ARHGAP12: variants seen among roughly 807,000 people sequenced by gnomAD.
ARHGAP12 encodes rho GTPase-activating protein 12.
In ARHGAP12, 64 loss-of-function variants were observed where a neutral mutation model predicts 108.6. The ratio of observed to expected loss-of-function variants is 0.59; its 90% CI spans 0.48 to 0.73. The LOEUF is 0.73. Among genes scored for constraint, ARHGAP12 ranks in the 30% least tolerant of loss-of-function variants. ARHGAP12 has a pLI of 0.00. For missense variants in ARHGAP12, 940 were observed against 1,005.9 expected, an observed-to-expected ratio of 0.93 and a Z score of 0.89; for synonymous variants, 312 against 337.2, an observed-to-expected ratio of 0.93 and a Z score of 0.82.
At chr10:31,829,380 T>C (rs1395571952) in intron 10 of ARHGAP12, among the ~76,000 whole-genome samples, 1 of 152,152 alleles carries the variant, frequency 6.6e-6, no homozygotes, top group East Asian at 1.9e-4. Flanking sequence ...CGTTATGAGA[T>C]GAAAAGGTTT....
At chr10:31,839,499 T>C in intron 8 of ARHGAP12, 138 bp downstream of exon 8, 4 of 1,120,660 alleles carry the variant, frequency 3.6e-6, no homozygotes, top group Non-Finnish European at 4.9e-6. Flanking sequence ...GTTAAACTTA[T>C]TTTGATTGTG....
At chr10:31,904,135 A>T (rs1481516614) in intron 3 of ARHGAP12, among the ~76,000 whole-genome samples, 3 of 152,260 alleles carry the variant, frequency 2.0e-5, no homozygotes, top group Admixed American at 6.5e-5. Context: ...ATGAAAAGTT[A>T]TATTCACATA....
chr10:31,883,741 T>TTGC (rs1255471700), intron 3 of ARHGAP12, among the ~76,000 whole-genome samples: 3 of 151,482 alleles, frequency 2.0e-5, no homozygotes, highest in African/African-American at 7.3e-5. Context: ...AGACAACGTA[T>TTGC]TGCTCTGTCA....
intron 1 of ARHGAP12, among the ~76,000 whole-genome samples, chr10:31,915,473 G>C (rs1028388708): frequency 1.3e-4 from 20 of 151,966 alleles, no homozygotes; most frequent in Non-Finnish European, 2.6e-4. Flanking sequence ...TTGCTCAAAG[G>C]ACATACAATC....
At chr10:31,844,348 T>C (rs919502959) in intron 6 of ARHGAP12, among the ~76,000 whole-genome samples, 1 of 152,220 alleles carries the variant, frequency 6.6e-6, no homozygotes, top group Non-Finnish European at 1.5e-5. Flanking sequence ...TTACTTGTTA[T>C]ATTTATGTCT....
At chr10:31,855,336 T>C (rs1305123590) in intron 4 of ARHGAP12, among the ~76,000 whole-genome samples, 1 of 152,186 alleles carries the variant, frequency 6.6e-6, no homozygotes, top group Non-Finnish European at 1.5e-5. Context: ...AATCATTTAT[T>C]AGGTTAGCAC....
chr10:31,808,611 G>A lies in ARHGAP12; in HGVS notation c.2366+38C>T, dbSNP rs752212763. On this transcript the variant is annotated intron_variant, in intron 19 of 19. Transcript: ENST00000344936. ...CCCACAGGCCTTCCCGCTTCCCCTT[G>A]TGCTATACCACATCCCATGACTGGG... 114 of 1,588,258 alleles carry A rather than the reference G, an allele frequency of 7.2e-5. 1 individual carries two copies. The South Asian group carries it at 1.2e-3, about 17-fold the overall frequency.
chr10:31,871,060 G>A (rs980157595), intron 3 of ARHGAP12, among the ~76,000 whole-genome samples: 2 of 152,132 alleles, frequency 1.3e-5, no homozygotes, highest in Non-Finnish European at 2.9e-5. Flanking sequence ...TAGAAGCACA[G>A]AAAAACTCAG....
chr10:31,908,730 C>T lies in ARHGAP12; in HGVS notation c.126G>A (p.Leu42=). Residue 42 remains leucine, a synonymous_variant, in exon 3 of 20, where the codon TTG becomes TTA. Transcript: ENST00000344936. ...IVIKQGERYI[L]VKKTNDDWWQ... is the part of the protein sequence containing the mutation. ...ACCAGTCATCATTGGTCTTTTTCAC[C>T]AAGATGTACCTCTCCCCTTGTTTTA... The T allele has an allele frequency of 6.2e-7, 1 of 1,614,088 alleles. No homozygotes were observed. Among genetic ancestry groups the T allele is most frequent in the Non-Finnish European group, 8.5e-7 (1 of 1,180,016 alleles).
intron 3 of ARHGAP12, among the ~76,000 whole-genome samples, chr10:31,881,543 C>T (rs1424681485): frequency 6.6e-6 from 1 of 152,174 alleles, no homozygotes; most frequent in African/African-American, 2.4e-5. Flanking sequence ...TTAGCAACAA[C>T]AGAAACAATA....
chr10:31,879,470 T>C (rs537705711), intron 3 of ARHGAP12, among the ~76,000 whole-genome samples: 1 of 152,354 alleles, frequency 6.6e-6, no homozygotes, highest in East Asian at 1.9e-4. Context: ...TGAGTGGTCT[T>C]CTTTAAAAAT....
chr10:31,831,359 G>A (rs777641195), intron 10 of ARHGAP12, among the ~76,000 whole-genome samples: 18 of 152,202 alleles, frequency 1.2e-4, no homozygotes, highest in Non-Finnish European at 2.5e-4. Flanking sequence ...GAAAGCACTA[G>A]AATTCAGGAG....
At chr10:31,906,442 G>C (rs1367812388) in intron 3 of ARHGAP12, among the ~76,000 whole-genome samples, 1 of 152,104 alleles carries the variant, frequency 6.6e-6, no homozygotes, top group East Asian at 1.9e-4. Context: ...CACACAGATG[G>C]CAAGTGATAC....
chr10:31,897,952 C>G (rs1838771355), intron 3 of ARHGAP12, among the ~76,000 whole-genome samples: 1 of 152,068 alleles, frequency 6.6e-6, no homozygotes, highest in African/African-American at 2.4e-5. Context: ...AAGGTAAAAT[C>G]CCATCTCTAC....
chr10:31,873,206 G>A (rs986330523), intron 3 of ARHGAP12, among the ~76,000 whole-genome samples: 4 of 152,014 alleles, frequency 2.6e-5, no homozygotes, highest in African/African-American at 9.7e-5. Flanking sequence ...TAATCAGCAC[G>A]CAAATTACTG....
chr10:31,857,476 C>G (rs1836931068), intron 4 of ARHGAP12, among the ~76,000 whole-genome samples: 1 of 152,024 alleles, frequency 6.6e-6, no homozygotes, highest in African/African-American at 2.4e-5. Context: ...TTCATCTAAT[C>G]AAGGTTCTAG....
At chr10:31,917,214 G>A (rs978049258) in intron 1 of ARHGAP12, among the ~76,000 whole-genome samples, 6 of 151,548 alleles carry the variant, frequency 4.0e-5, no homozygotes, top group Non-Finnish European at 8.8e-5. Context: ...TCGAGACCAT[G>A]CTGGTTAACA....
At chr10:31,927,167 G>A (rs1383764563) in intron 1 of ARHGAP12, among the ~76,000 whole-genome samples, 1 of 152,098 alleles carries the variant, frequency 6.6e-6, no homozygotes, top group Admixed American at 6.6e-5. Context: ...GCATGGGTGG[G>A]GGTCACGCTT....
intron 13 of ARHGAP12, among the ~76,000 whole-genome samples, chr10:31,815,542 G>A (rs1225828522): frequency 6.6e-6 from 1 of 151,878 alleles, no homozygotes; most frequent in Non-Finnish European, 1.5e-5. Context: ...GAGTGTCTTA[G>A]GTATTCTTAG....
Sources: gnomAD v4.1 joint callset for allele counts (sites outside exome capture counted in the v4.1 genomes callset) on GRCh38, gnomAD v4.1.1 for gene constraint, MANE v1.5 for transcripts, NCBI Gene and HGNC (gene_info 2026-07-23, HGNC 2026-07-21) for gene names.